TBC1D22A: variants seen among roughly 807,000 people sequenced by gnomAD.
TBC1D22A encodes the protein putative GTPase activator.
TBC1D22A carries 38 observed loss-of-function variants against 60.2 expected under a neutral mutation model. The ratio of observed to expected loss-of-function variants is 0.63; its 90% CI spans 0.49 to 0.83. The LOEUF (loss-of-function observed/expected upper bound fraction) is 0.83, where lower values mean the gene tolerates loss of function less well. Ranked by LOEUF, TBC1D22A falls within the 40% of genes least tolerant of loss-of-function variation. The probability of loss-of-function intolerance (pLI) is 0.00; values close to 1 mark genes in which losing one functional copy is unlikely to be tolerated. For synonymous variants in TBC1D22A, 302 were observed against 281.7 expected (o/e 1.07, Z -0.72); for missense variants, 628 against 701.0 (o/e 0.90, Z 1.18).
chr22:47,163,562 A>C (rs570525606), intron 12 of TBC1D22A, among the ~76,000 whole-genome samples: 1 of 152,282 alleles, frequency 6.6e-6, no homozygotes, highest in South Asian at 2.1e-4. Context: ...TGAGGTTGCA[A>C]TGGGAAAGGG....
At chr22:47,167,408 G>A (rs1401336991) in intron 12 of TBC1D22A, among the ~76,000 whole-genome samples, 2 of 152,192 alleles carry the variant, frequency 1.3e-5, no homozygotes, top group Non-Finnish European at 2.9e-5. Context: ...TCACCAAGTG[G>A]GAAGGAGTGG....
At chr22:46,785,589 A>T (rs2084125043) in intron 1 of TBC1D22A, among the ~76,000 whole-genome samples, 1 of 152,186 alleles carries the variant, frequency 6.6e-6, no homozygotes, top group African/African-American at 2.4e-5. Context: ...TGTGTCCTTT[A>T]ACTATCACCC....
At chr22:47,096,887 C>T (rs374165059) in intron 11 of TBC1D22A, among the ~76,000 whole-genome samples, 59 of 152,316 alleles carry the variant, frequency 3.9e-4, no homozygotes, top group East Asian at 2.5e-3. Flanking sequence ...TGTTTTTAGG[C>T]GCCACTTTCT....
chr22:47,110,582 C>T (rs1489624052), intron 11 of TBC1D22A, among the ~76,000 whole-genome samples: 1 of 152,216 alleles, frequency 6.6e-6, no homozygotes, highest in Non-Finnish European at 1.5e-5. Flanking sequence ...TCCCTCTCTT[C>T]ACACACAAAC....
chr22:46,968,751 T>C (rs947793511), intron 8 of TBC1D22A, among the ~76,000 whole-genome samples: 1 of 152,260 alleles, frequency 6.6e-6, no homozygotes, highest in South Asian at 2.1e-4. Flanking sequence ...CTTTTTGTTT[T>C]CTGGATGTGG....
At chr22:46,825,761 C>G (rs2086026973) in intron 4 of TBC1D22A, among the ~76,000 whole-genome samples, 1 of 152,172 alleles carries the variant, frequency 6.6e-6, no homozygotes, top group African/African-American at 2.4e-5. Context: ...AGGTATGAAC[C>G]ACCACACCCA....
At chr22:47,036,792 C>T (rs1223633239) in intron 10 of TBC1D22A, among the ~76,000 whole-genome samples, 1 of 152,238 alleles carries the variant, frequency 6.6e-6, no homozygotes, top group African/African-American at 2.4e-5. Context: ...CAAGCCCCCC[C>T]ATCTTCCTGG....
At chr22:46,800,680 A>G (rs1295657016) in intron 4 of TBC1D22A, among the ~76,000 whole-genome samples, 4 of 152,232 alleles carry the variant, frequency 2.6e-5, no homozygotes, top group African/African-American at 7.2e-5. Context: ...TACATATGAC[A>G]TGCTTAACAG....
chr22:47,096,934 T>C (rs1385611853), intron 11 of TBC1D22A, among the ~76,000 whole-genome samples: 1 of 152,186 alleles, frequency 6.6e-6, no homozygotes, highest in Non-Finnish European at 1.5e-5. Flanking sequence ...TGCAACAGAG[T>C]CCAGTTTCAT....
chr22:47,117,995 C>T (rs920360244), intron 12 of TBC1D22A, among the ~76,000 whole-genome samples: 1 of 151,950 alleles, frequency 6.6e-6, no homozygotes, highest in African/African-American at 2.4e-5. Context: ...TGCTGGTGGG[C>T]GCCTATAATC....
intron 11 of TBC1D22A, among the ~76,000 whole-genome samples, chr22:47,088,437 G>A (rs1352759028): frequency 6.6e-6 from 1 of 152,190 alleles, no homozygotes; most frequent in African/African-American, 2.4e-5. Context: ...AAAGAATTAT[G>A]ATGGCAGTTT....
chr22:46,836,021 C>T (rs140184811), intron 4 of TBC1D22A, among the ~76,000 whole-genome samples: 201 of 151,902 alleles, frequency 1.3e-3, no homozygotes, highest in African/African-American at 2.8e-3. Context: ...GTTTCCCAGA[C>T]GAAAGTGGTG....
chr22:46,804,125 G>A (rs561470450), intron 4 of TBC1D22A, among the ~76,000 whole-genome samples: 1 of 152,166 alleles, frequency 6.6e-6, no homozygotes, highest in Non-Finnish European at 1.5e-5. Context: ...TTTCCCAACC[G>A]TGTGACTCTG....
At chr22:46,827,944 G>A (rs1464120172) in intron 4 of TBC1D22A, among the ~76,000 whole-genome samples, 1 of 152,198 alleles carries the variant, frequency 6.6e-6, no homozygotes, top group African/African-American at 2.4e-5. Context: ...TCCCCTTTGT[G>A]CTCCCCACCC....
chr22:46,886,972 C>T (rs2068151097), intron 5 of TBC1D22A, among the ~76,000 whole-genome samples: 3 of 152,102 alleles, frequency 2.0e-5, no homozygotes, highest in Admixed American at 2.0e-4. Flanking sequence ...GGGAATATGG[C>T]CATGATTTTA....
At chr22:46,943,683 G>A (rs2072323406) in intron 8 of TBC1D22A, among the ~76,000 whole-genome samples, 1 of 152,322 alleles carries the variant, frequency 6.6e-6, no homozygotes. Context: ...ATCTCAAGAT[G>A]AAACCCTGGT....
chr22:46,854,923 C>T (rs1207712069), intron 4 of TBC1D22A, among the ~76,000 whole-genome samples: 3 of 152,188 alleles, frequency 2.0e-5, no homozygotes, highest in Non-Finnish European at 4.4e-5. Flanking sequence ...TGAACAGTAA[C>T]TATTAAAATA....
rs923094087 is a variant in TBC1D22A at position 46,955,458 on chromosome 22, G to A, written c.1016-18832G>A. 4.6e-5 allele frequency among the ~76,000 whole-genome samples: 7 copies of A among 152,304 alleles called. No individual in the cohort carries two copies. In the East Asian group the frequency reaches 9.6e-4, roughly 21 times the overall value. On this transcript the variant is annotated intron_variant, in intron 8 of 12. Coordinates refer to ENST00000337137, the MANE Select transcript of TBC1D22A (RefSeq NM_014346.5). ...TTAGGCATATGTATCAGCAGAGGCCGTATTTGCATTTTGAAAACAACCTAT... is the reference window on the plus strand; with the variant it reads ...TTAGGCATATGTATCAGCAGAGGCCATATTTGCATTTTGAAAACAACCTAT...
At chr22:46,944,591 G>T (rs907434620) in intron 8 of TBC1D22A, among the ~76,000 whole-genome samples, 2 of 152,162 alleles carry the variant, frequency 1.3e-5, no homozygotes, top group Non-Finnish European at 2.9e-5. Flanking sequence ...GTAGAGATGG[G>T]GTTTCACCGT....
Sources: gnomAD v4.1 joint callset for allele counts (sites outside exome capture counted in the v4.1 genomes callset) on GRCh38, gnomAD v4.1.1 for gene constraint, MANE v1.5 for transcripts, NCBI Gene and HGNC (gene_info 2026-07-23, HGNC 2026-07-21) for gene names.